Variants in PTPRD observed in about 807,000 individuals in gnomAD.
The protein encoded by PTPRD is protein tyrosine phosphatase receptor type D.
PTPRD carries 34 observed loss-of-function variants against 214.5 expected under a neutral mutation model. That is an observed-to-expected ratio of 0.16 (90% CI 0.12 to 0.21). The LOEUF (loss-of-function observed/expected upper bound fraction) is 0.21. Among genes scored for constraint, PTPRD ranks in the 10% least tolerant of loss-of-function variants. PTPRD has a pLI of 1.00. For synonymous variants in PTPRD, 1,128 were observed against 845.7 expected (o/e 1.33, Z -5.79); for missense variants, 2,545 against 2,398.7 (o/e 1.06, Z -1.27).
At chr9:10,423,649 T>A (rs2098577471) in intron 2 of PTPRD, among the ~76,000 whole-genome samples, 1 of 151,870 alleles carries the variant, frequency 6.6e-6, no homozygotes, top group East Asian at 1.9e-4. Context: ...TGTAAGGTGT[T>A]TTTTAGAGAT....
intron 10 of PTPRD, among the ~76,000 whole-genome samples, chr9:9,090,555 A>T (rs893296261): frequency 2.6e-5 from 4 of 152,192 alleles, no homozygotes; most frequent in African/African-American, 9.7e-5. Context: ...TGAATATGTC[A>T]GCGTTATTAG....
intron 11 of PTPRD, among the ~76,000 whole-genome samples, chr9:8,965,914 A>ACT (rs2099191246): frequency 1.3e-5 from 2 of 152,142 alleles, no homozygotes; most frequent in African/African-American, 4.8e-5. Flanking sequence ...AAAGACTATG[A>ACT]GAACTGATAA....
intron 3 of PTPRD, among the ~76,000 whole-genome samples, chr9:10,118,887 T>A (rs1174367554): frequency 6.8e-6 from 1 of 147,866 alleles, no homozygotes; most frequent in Non-Finnish European, 1.5e-5. Context: ...AATAAATAAA[T>A]AAATAAATAA....
chr9:9,009,186 T>C (rs922648839), intron 11 of PTPRD, among the ~76,000 whole-genome samples: 1 of 152,162 alleles, frequency 6.6e-6, no homozygotes, highest in Non-Finnish European at 1.5e-5. Context: ...TTTTGTTTGA[T>C]ATTTACAATG....
intron 3 of PTPRD, among the ~76,000 whole-genome samples, chr9:10,105,596 G>T (rs1388965651): frequency 2.6e-5 from 4 of 151,668 alleles, no homozygotes; most frequent in African/African-American, 9.7e-5. Context: ...TCTAACAATT[G>T]GTAATTTGCC....
chr9:9,444,715 T>G (rs902796693), intron 8 of PTPRD, among the ~76,000 whole-genome samples: 1 of 152,310 alleles, frequency 6.6e-6, no homozygotes, highest in African/African-American at 2.4e-5. Flanking sequence ...TTCTTCATAC[T>G]ACTCTAAGAA....
At chr9:8,915,663 G>A (rs1040920712) in intron 11 of PTPRD, among the ~76,000 whole-genome samples, 1 of 152,172 alleles carries the variant, frequency 6.6e-6, no homozygotes, top group Non-Finnish European at 1.5e-5. Flanking sequence ...GACCAAGGAA[G>A]AGATGATGTT....
chr9:8,367,338 C>T (rs1039881770), intron 39 of PTPRD, among the ~76,000 whole-genome samples: 16 of 151,796 alleles, frequency 1.1e-4, no homozygotes, highest in African/African-American at 3.6e-4. Flanking sequence ...CATGTAGGGG[C>T]GATTTTATAT....
intron 3 of PTPRD, among the ~76,000 whole-genome samples, chr9:10,063,366 T>C (rs957305509): frequency 2.0e-5 from 3 of 151,998 alleles, no homozygotes; most frequent in African/African-American, 7.2e-5. Context: ...CAATATCAAA[T>C]TGGGTTCAAT....
rs182540414 is a variant in PTPRD at position 10,398,537 on chromosome 9, T to G, written c.-599-57520A>C. Among the ~76,000 whole-genome samples, 209 of 152,080 alleles carry G rather than the reference T, an allele frequency of 1.4e-3. 2 individuals carry two copies. The highest frequency in any genetic ancestry group is 4.7e-3 in the African/African-American group (194 of 41,542). The stretch of plus-strand genomic sequence containing the variant: ...TGGGTGGACCTGAAGACTTCCAAAC[T>G]TTATAAGAACCTACTATGTGCTAGA... On this transcript the variant is annotated intron_variant, in intron 2 of 45. Coordinates refer to ENST00000381196, the MANE Select transcript of PTPRD (RefSeq NM_002839.4).
chr9:10,556,491 A>T (rs1420295600), intron 2 of PTPRD, among the ~76,000 whole-genome samples: 1 of 152,132 alleles, frequency 6.6e-6, no homozygotes, highest in African/African-American at 2.4e-5. Context: ...TGCAAGGAAA[A>T]ACGTAGAAAA....
At chr9:9,352,833 A>G (rs1569567635) in intron 9 of PTPRD, among the ~76,000 whole-genome samples, 1 of 151,996 alleles carries the variant, frequency 6.6e-6, no homozygotes, top group Non-Finnish European at 1.5e-5. Flanking sequence ...AGGAATTGAG[A>G]AAAAGTCATG....
At chr9:9,649,524 A>C (rs547669130) in intron 7 of PTPRD, among the ~76,000 whole-genome samples, 1 of 152,328 alleles carries the variant, frequency 6.6e-6, no homozygotes, top group East Asian at 1.9e-4. Flanking sequence ...CAAAAATGAT[A>C]GATTAGTCTA....
chr9:8,400,208 C>A (rs1408466280), intron 36 of PTPRD, among the ~76,000 whole-genome samples: 5 of 152,138 alleles, frequency 3.3e-5, no homozygotes, highest in Non-Finnish European at 7.4e-5. Context: ...ACAACAACCT[C>A]TTTTTTATCC....
intron 39 of PTPRD, among the ~76,000 whole-genome samples, chr9:8,371,412 G>T (rs2081472654): frequency 6.6e-6 from 1 of 151,996 alleles, no homozygotes; most frequent in African/African-American, 2.4e-5. Flanking sequence ...CATGACTCAT[G>T]CCTTCTGAGA....
chr9:9,756,745 A>T (rs1408121), intron 6 of PTPRD, among the ~76,000 whole-genome samples: 26,606 of 152,090 alleles, frequency 0.17, 3,554 homozygotes, highest in East Asian at 0.38. Context: ...ACCTCAATAA[A>T]AAAATTAGTA....
intron 8 of PTPRD, among the ~76,000 whole-genome samples, chr9:9,402,977 A>AACAAC (rs1569568017): frequency 1.4e-5 from 2 of 145,376 alleles, no homozygotes; most frequent in African/African-American, 5.2e-5. Flanking sequence ...AAAAAAAAAA[A>AACAAC]AAAAAAAAAA....
At chr9:9,375,486 C>T (rs2060539465) in intron 9 of PTPRD, among the ~76,000 whole-genome samples, 1 of 152,060 alleles carries the variant, frequency 6.6e-6, no homozygotes, top group Admixed American at 6.6e-5. Flanking sequence ...ATCCCAGCTA[C>T]TCGGGAGGCT....
chr9:9,365,966 C>G (rs2057772667), intron 9 of PTPRD, among the ~76,000 whole-genome samples: 1 of 151,402 alleles, frequency 6.6e-6, no homozygotes, highest in South Asian at 2.1e-4. Flanking sequence ...TAGCATGGAT[C>G]TTTGCAGATA....
Sources: gnomAD v4.1 joint callset for allele counts (sites outside exome capture counted in the v4.1 genomes callset) on GRCh38, gnomAD v4.1.1 for gene constraint, MANE v1.5 for transcripts, NCBI Gene and HGNC (gene_info 2026-07-23, HGNC 2026-07-21) for gene names.